Variants in LIFR observed in about 807,000 individuals in gnomAD.
LIFR encodes the protein LIF receptor subunit alpha.
A neutral mutation model predicts 122.2 loss-of-function variants in LIFR; 84 were observed. The observed-to-expected ratio is 0.69, with a 90% CI of 0.58 to 0.82. LIFR has a LOEUF of 0.82. Among genes scored for constraint, LIFR ranks in the 40% least tolerant of loss-of-function variants. The pLI is 0.00. For synonymous variants in LIFR, 422 were observed against 434.7 expected (o/e 0.97, Z 0.36); for missense variants, 1,294 against 1,311.6 (o/e 0.99, Z 0.21).
At chr5:38,533,511 T>A (rs1436987539) in intron 1 of LIFR, among the ~76,000 whole-genome samples, 1 of 152,200 alleles carries the variant, frequency 6.6e-6, no homozygotes, top group Non-Finnish European at 1.5e-5. Flanking sequence ...GTACTTTGAC[T>A]TGTATTTTTC....
At chr5:38,587,697 A>T (rs991639457) in intron 1 of LIFR, among the ~76,000 whole-genome samples, 7 of 152,212 alleles carry the variant, frequency 4.6e-5, no homozygotes, top group African/African-American at 1.4e-4. Context: ...ATTTAAACCC[A>T]GAATCTGAGA....
At chr5:38,559,244 C>A (rs138852745), upstream of LIFR, 2 of 152,190 alleles carry the variant, frequency 1.3e-5, no homozygotes, top group African/African-American at 4.8e-5. Context: ...TACTGAGGTA[C>A]AATTTGAAGA....
intron 19 of LIFR, 21 bp downstream of exon 19, chr5:38,482,559 AAAGATAAAT>A: frequency 1.7e-6 from 2 of 1,148,036 alleles, no homozygotes; most frequent in Non-Finnish European, 2.5e-6. Flanking sequence ...CCAGCACATC[AAAGATAAAT>A]ATAAGAAAAT....
intron 5 of LIFR, among the ~76,000 whole-genome samples, chr5:38,513,384 T>C (rs951800548): frequency 6.6e-6 from 1 of 152,248 alleles, no homozygotes; most frequent in Non-Finnish European, 1.5e-5. Context: ...ACAGCAGGAC[T>C]GCTTGAAAGT....
rs1038474261 is a variant in LIFR at position 38,556,439 on chromosome 5, C to G, written c.-125G>C. ...CCCACAGCCGCCCGGGGGCAGGAGC[C>G]GCCAAGGAGGGGGCCGGGCACAATG... On this transcript the variant is annotated 5_prime_UTR_variant, in exon 1 of 20. Coordinates refer to ENST00000453190, the MANE Select transcript of LIFR (RefSeq NM_001127671.2). 1 of 151,978 alleles carries G rather than the reference C, an allele frequency of 6.6e-6. No homozygotes were observed. Among genetic ancestry groups the G allele is most frequent in the African/African-American group, 2.4e-5 (1 of 41,342 alleles). 9.4% of individuals were successfully genotyped at this position (151,978 alleles called of 1,614,324 possible).
intron 13 of LIFR, among the ~76,000 whole-genome samples, chr5:38,494,105 C>G (rs1290698214): frequency 6.6e-6 from 1 of 152,178 alleles, no homozygotes; most frequent in Non-Finnish European, 1.5e-5. Context: ...GCTAAGGACA[C>G]TGGCTGGGAC....
At chr5:38,552,902 T>A (rs1748278973) in intron 1 of LIFR, among the ~76,000 whole-genome samples, 1 of 152,220 alleles carries the variant, frequency 6.6e-6, no homozygotes, top group Admixed American at 6.5e-5. Flanking sequence ...GCCCACTATG[T>A]GATGAAGGTG....
chr5:38,593,691 T>C (rs866132837), intron 1 of LIFR, among the ~76,000 whole-genome samples: 1 of 152,178 alleles, frequency 6.6e-6, no homozygotes, highest in Non-Finnish European at 1.5e-5. Context: ...GTGATGGCAT[T>C]AGCAGGTGGG....
In LIFR at chr5:38,480,717, G is replaced by A. The variant is rs1743943201; in HGVS notation, c.*878C>T. 4.8e-6 allele frequency: 1 copy of A among 209,880 alleles called. No individual in the cohort carries two copies. The highest frequency in any genetic ancestry group is 9.7e-6 in the Non-Finnish European group (1 of 103,458). 13.0% of individuals were successfully genotyped at this position (209,880 alleles called of 1,614,324 possible). A position where few individuals can be genotyped will look rare whatever the true frequency, so the allele number is the denominator to read the frequency against. ...ACATAGTAAGTCACTGGAATTACATGCTTATGAATAATATTGAATTTGCTC... is the reference window on the plus strand; with the variant it reads ...ACATAGTAAGTCACTGGAATTACATACTTATGAATAATATTGAATTTGCTC... On this transcript the variant is annotated 3_prime_UTR_variant, in exon 20 of 20. Coordinates refer to ENST00000453190, the MANE Select transcript of LIFR (RefSeq NM_001127671.2).
chr5:38,503,796 T>G (rs1580055652), intron 10 of LIFR, among the ~76,000 whole-genome samples, 180 bp downstream of exon 10: 1 of 152,202 alleles, frequency 6.6e-6, no homozygotes, highest in East Asian at 1.9e-4. Flanking sequence ...AAAGTCATAT[T>G]TACAATTGTT....
intron 14 of LIFR, among the ~76,000 whole-genome samples, chr5:38,492,078 T>C (rs940782530): frequency 6.6e-6 from 1 of 152,210 alleles, no homozygotes; most frequent in African/African-American, 2.4e-5. Context: ...GTGCCTACTA[T>C]GTGCCACTTG....
At chr5:38,588,148 A>C (rs960818406) in intron 1 of LIFR, among the ~76,000 whole-genome samples, 2 of 152,236 alleles carry the variant, frequency 1.3e-5, no homozygotes. Flanking sequence ...TATAATGCCA[A>C]CATTAACATG....
chr5:38,523,360 T>TA (rs1326333830), intron 5 of LIFR, 59 bp downstream of exon 5: 35 of 1,451,132 alleles, frequency 2.4e-5, no homozygotes, highest in African/African-American at 5.7e-5. Flanking sequence ...TAAGGCTTCT[T>TA]AAAAAAAATT....
At chr5:38,528,395 C>A (rs1159508532) in intron 3 of LIFR, among the ~76,000 whole-genome samples, 1 of 152,196 alleles carries the variant, frequency 6.6e-6, no homozygotes, top group African/African-American at 2.4e-5. Flanking sequence ...CCCTTCTGGA[C>A]TCACACTAAG....
At chr5:38,493,549 T>C in intron 14 of LIFR, 57 bp downstream of exon 14, 1 of 1,497,040 alleles carries the variant, frequency 6.7e-7, no homozygotes, top group Non-Finnish European at 9.3e-7. Context: ...CAGTCTTACG[T>C]GTTGCCTTTT....
intron 13 of LIFR, 92 bp downstream of exon 13, chr5:38,496,287 GAGA>G (rs1460086445): frequency 3.0e-6 from 3 of 991,444 alleles, no homozygotes; most frequent in East Asian, 4.8e-5. Flanking sequence ...CAAGGTATAC[GAGA>G]AGAAGGCTGA....
At chr5:38,528,511 T>A (rs1411688927) in intron 3 of LIFR, among the ~76,000 whole-genome samples, 1 of 152,158 alleles carries the variant, frequency 6.6e-6, no homozygotes, top group African/African-American at 2.4e-5. Context: ...TGAAAGCCAC[T>A]GCAGACTCTG....
intron 1 of LIFR, among the ~76,000 whole-genome samples, chr5:38,572,886 A>G (rs542478418): frequency 3.3e-5 from 5 of 151,772 alleles, no homozygotes; most frequent in Middle Eastern, 3.6e-3. Flanking sequence ...ATCCTAACCA[A>G]TCATACTCCT....
rs184882991 is a variant in LIFR at position 38,525,148 on chromosome 5, C to G, written c.398-1566G>C. Among the ~76,000 whole-genome samples the G allele has an allele frequency of 2.9e-4, 44 of 152,248 alleles. 1 individual carries two copies. The highest frequency in any genetic ancestry group is 2.6e-3 in the Admixed American group (40 of 15,292). ...TGTATCCTTGAAAATCATTAACTCT[C>G]CCTAAGGGCGGATAAATCATGGAAA... On this transcript the variant is annotated intron_variant, in intron 4 of 19. Transcript: ENST00000453190.
Sources: gnomAD v4.1 joint callset for allele counts (sites outside exome capture counted in the v4.1 genomes callset) on GRCh38, gnomAD v4.1.1 for gene constraint, MANE v1.5 for transcripts, NCBI Gene and HGNC (gene_info 2026-07-23, HGNC 2026-07-21) for gene names.